RHBDL3: variants seen among roughly 807,000 people sequenced by gnomAD.
The protein encoded by RHBDL3 is rhomboid like 3.
In RHBDL3, 28 loss-of-function variants were observed where a neutral mutation model predicts 48.2. The observed-to-expected ratio is 0.58, with a 90% confidence interval of 0.43 to 0.80. The LOEUF (loss-of-function observed/expected upper bound fraction) is 0.80. Ranked by LOEUF, RHBDL3 falls within the 30% of genes least tolerant of loss-of-function variation. The pLI is 0.00. For missense variants in RHBDL3, 464 were observed against 542.7 expected, an observed-to-expected ratio of 0.85 and a Z score of 1.44; for synonymous variants, 208 against 232.3, an observed-to-expected ratio of 0.90 and a Z score of 0.95.
intron 7 of RHBDL3, among the ~76,000 whole-genome samples, chr17:32,308,704 A>G (rs2040767513): frequency 6.6e-6 from 1 of 152,260 alleles, no homozygotes; most frequent in East Asian, 1.9e-4. Context: ...CTCTTTGTCA[A>G]GAGGCTACCT....
At chr17:32,291,649 C>T (rs1484393614) in intron 4 of RHBDL3, among the ~76,000 whole-genome samples, 2 of 151,964 alleles carry the variant, frequency 1.3e-5, no homozygotes, top group African/African-American at 2.4e-5. Flanking sequence ...CCACTGCACT[C>T]CAGCCTGGGT....
chr17:32,302,338 A>C (rs2040600950), intron 6 of RHBDL3, among the ~76,000 whole-genome samples: 1 of 126,558 alleles, frequency 7.9e-6, no homozygotes, highest in South Asian at 2.3e-4. Flanking sequence ...CAGTCACTTG[A>C]AAGTCTGCTT....
intron 6 of RHBDL3, among the ~76,000 whole-genome samples, chr17:32,304,587 A>G (rs1477518649): frequency 6.6e-6 from 1 of 152,166 alleles, no homozygotes; most frequent in African/African-American, 2.4e-5. Flanking sequence ...AAGGGAAGAA[A>G]GTCTGTAAAA....
At position 32,324,564 on chromosome 17, in the gene RHBDL3, T is replaced by G. The variant is rs1333113376; in HGVS notation, c.*3335T>G. The G allele has an allele frequency of 3.9e-5, 6 of 152,602 alleles. No individual in the cohort carries two copies. The highest frequency in any genetic ancestry group is 8.8e-5 in the Non-Finnish European group (6 of 68,044). The allele number at this position is 152,602 out of a possible 1,614,324, so 9.5% of individuals were successfully genotyped here. A position where few individuals can be genotyped will look rare whatever the true frequency, so the allele number is the denominator to read the frequency against. On this transcript the variant is annotated 3_prime_UTR_variant, in exon 9 of 9. Coordinates refer to ENST00000269051, the MANE Select transcript of RHBDL3 (RefSeq NM_138328.3). Reference sequence around the variant, plus strand: ...ACAAAACACAGACTGCAATGTTTGTTTCTAAGTATTTTTGTATTGTGTACA... The same window carrying G: ...ACAAAACACAGACTGCAATGTTTGTGTCTAAGTATTTTTGTATTGTGTACA...
intron 7 of RHBDL3, among the ~76,000 whole-genome samples, chr17:32,310,855 G>T (rs1424034413): frequency 3.4e-5 from 5 of 148,348 alleles, no homozygotes; most frequent in African/African-American, 1.3e-4. Context: ...CTGCACTTCA[G>T]CCTGGGCGAC....
chr17:32,314,606 CAGGG>C (rs2040926426), intron 7 of RHBDL3, among the ~76,000 whole-genome samples: 1 of 152,156 alleles, frequency 6.6e-6, no homozygotes, highest in Admixed American at 6.5e-5. Context: ...CCCAGGGAGA[CAGGG>C]AGCACCCCAT....
At chr17:32,304,690 C>T (rs1188285486) in intron 6 of RHBDL3, among the ~76,000 whole-genome samples, 2 of 152,184 alleles carry the variant, frequency 1.3e-5, no homozygotes, top group Non-Finnish European at 2.9e-5. Flanking sequence ...CCTGACATAG[C>T]ACCATGTCAG....
chr17:32,297,652 CTTTTTTTTTTTTTTTTT>C (rs71362824), intron 5 of RHBDL3, among the ~76,000 whole-genome samples: 4 of 50,942 alleles, frequency 7.9e-5, no homozygotes, highest in Admixed American at 2.7e-4. Context: ...GTTGCTGGAT[CTTTTTTTTTTTTTTTTT>C]TTTTTTTTTT....
At chr17:32,305,196 C>A in intron 6 of RHBDL3, 145 bp from the exon 7 acceptor site, 1 of 641,196 alleles carries the variant, frequency 1.6e-6, no homozygotes. Context: ...GGGAATCTCC[C>A]TGGCAACATG....
At chr17:32,275,340 G>A (rs2039872738) in intron 2 of RHBDL3, among the ~76,000 whole-genome samples, 1 of 152,234 alleles carries the variant, frequency 6.6e-6, no homozygotes, top group African/African-American at 2.4e-5. Context: ...GCCCCTGGCA[G>A]CCCCCTCAGT....
chr17:32,268,005 C>A, intron 2 of RHBDL3, 80 bp downstream of exon 2: 1 of 1,079,906 alleles, frequency 9.3e-7, no homozygotes, highest in Non-Finnish European at 1.4e-6. Context: ...GTGGGCTTCC[C>A]TAGCTCCGCG....
In RHBDL3 at chr17:32,277,605, C is replaced by G. The variant is rs529120392; in HGVS notation, c.136-7054C>G. 3.3e-5 allele frequency among the ~76,000 whole-genome samples: 5 copies of G among 152,344 alleles called. No individual in the cohort carries two copies. In the East Asian group the frequency reaches 9.6e-4, roughly 29 times the overall value. ...TCAACCCTCAGGCTGGGCCTGGAGC[C>G]CACAGACTTCTAGCATTGCTGGAAG... On this transcript the variant is annotated intron_variant, in intron 2 of 8. Coordinates refer to ENST00000269051, the MANE Select transcript of RHBDL3 (RefSeq NM_138328.3).
intron 2 of RHBDL3, among the ~76,000 whole-genome samples, chr17:32,282,475 G>C (rs544064022): frequency 7.9e-5 from 12 of 152,284 alleles, no homozygotes; most frequent in Admixed American, 5.9e-4. Flanking sequence ...GCTGAGGTGA[G>C]AGGATTGCCG....
intron 2 of RHBDL3, among the ~76,000 whole-genome samples, chr17:32,273,005 G>A (rs556544271): frequency 1.3e-5 from 2 of 150,258 alleles, no homozygotes; most frequent in Non-Finnish European, 2.9e-5. Context: ...TTTTGTTTTT[G>A]TTTGTTTGTT....
At chr17:32,298,042 G>A (rs1204089056) in intron 5 of RHBDL3, 50 bp from the exon 6 acceptor site, 3 of 1,274,438 alleles carry the variant, frequency 2.4e-6, no homozygotes, top group East Asian at 4.7e-5. Flanking sequence ...ATGAATGAAT[G>A]AATGAATGAA....
At chr17:32,267,436 G>T (rs969032854) in intron 1 of RHBDL3, among the ~76,000 whole-genome samples, 1 of 143,878 alleles carries the variant, frequency 7.0e-6, no homozygotes, top group African/African-American at 2.7e-5. Context: ...CTCCTGGGGG[G>T]GGAGGGGGGG....
At position 32,289,822 on chromosome 17, in the gene RHBDL3, A is replaced by G. The variant is rs560629282; in HGVS notation, c.519+806A>G. On this transcript the variant is annotated intron_variant, in intron 4 of 8. Coordinates refer to ENST00000269051, the MANE Select transcript of RHBDL3 (RefSeq NM_138328.3). ...TATGATCTCCGCTGTTTCTCTTCCA[A>G]AGCCACGGGCCTAATTACCGCCTCT... 2.0e-5 allele frequency among the ~76,000 whole-genome samples: 3 copies of G among 152,264 alleles called. No homozygotes were observed. The East Asian group carries it at 5.8e-4, about 29-fold the overall frequency.
chr17:32,268,951 C>T (rs1049733826), intron 2 of RHBDL3, among the ~76,000 whole-genome samples: 2 of 151,894 alleles, frequency 1.3e-5, no homozygotes, highest in Non-Finnish European at 1.5e-5. Context: ...TGAGGATGGA[C>T]GGGAAGAGGG....
intron 2 of RHBDL3, among the ~76,000 whole-genome samples, chr17:32,279,570 A>G (rs891279926): frequency 6.6e-6 from 1 of 152,158 alleles, no homozygotes; most frequent in Non-Finnish European, 1.5e-5. Flanking sequence ...TCCATGTGGA[A>G]TTGCCTGCTG....
Sources: gnomAD v4.1 joint callset for allele counts (sites outside exome capture counted in the v4.1 genomes callset) on GRCh38, gnomAD v4.1.1 for gene constraint, MANE v1.5 for transcripts, NCBI Gene and HGNC (gene_info 2026-07-23, HGNC 2026-07-21) for gene names.